The following LYN variants were observed in gnomAD, a reference collection of about 807,000 sequenced individuals.
LYN encodes the protein tyrosine-protein kinase Lyn.
LYN carries 12 observed loss-of-function variants against 65.0 expected under a neutral mutation model. The observed-to-expected ratio is 0.18, with a 90% CI of 0.12 to 0.30. LYN has a LOEUF of 0.30. Ranked by LOEUF, LYN falls within the 10% of genes least tolerant of loss-of-function variation. The probability of loss-of-function intolerance (pLI) is 1.00; values close to 1 mark genes in which losing one functional copy is unlikely to be tolerated. For missense variants in LYN, 380 were observed against 623.2 expected (o/e 0.61, Z 4.16); for synonymous variants, 222 against 221.2 (o/e 1.00, Z -0.03).
At chr8:55,913,600 A>G (rs1272654154) in intron 1 of LYN, among the ~76,000 whole-genome samples, 1 of 152,218 alleles carries the variant, frequency 6.6e-6, no homozygotes, top group Non-Finnish European at 1.5e-5. Context: ...TATTAATGAA[A>G]TGATTCAGCA....
In LYN at chr8:56,005,454, G is replaced by A. The variant is rs117086586; in HGVS notation, c.1337-4454G>A. On this transcript the variant is annotated intron_variant, in intron 12 of 12. Coordinates refer to ENST00000519728, the MANE Select transcript of LYN (RefSeq NM_002350.4). The stretch of plus-strand genomic sequence containing the variant: ...CTCCAGGTACTGTCCTGCCCTCGGC[G>A]CTGGCCTCCCTCCCTCATGGTATAT... Among the ~76,000 whole-genome samples, 1,290 of 152,274 alleles carry A rather than the reference G, an allele frequency of 8.5e-3. 23 individuals are homozygous for A. Among genetic ancestry groups the A allele is most frequent in the African/African-American group, 0.025 (1,059 of 41,542 alleles).
At position 55,953,709 on chromosome 8, in the gene LYN, A is replaced by C. The variant is rs931822441; in HGVS notation, c.638-123A>C. Reference sequence around the variant, plus strand: ...AAAGTCACAATTATGTCAAGGATGCATTTTAGTTCACAGACTGCGGCAGGT... The same window carrying C: ...AAAGTCACAATTATGTCAAGGATGCCTTTTAGTTCACAGACTGCGGCAGGT... On this transcript the variant is annotated intron_variant, in intron 7 of 12. Coordinates refer to ENST00000519728, the MANE Select transcript of LYN (RefSeq NM_002350.4). 4.1e-6 allele frequency: 3 copies of C among 735,384 alleles called. No individual in the cohort carries two copies. The Admixed American group carries it at 8.8e-5, about 22-fold the overall frequency. 45.6% of individuals were successfully genotyped at this position (735,384 alleles called of 1,614,324 possible). A position where few individuals can be genotyped will look rare whatever the true frequency, so the allele number is the denominator to read the frequency against.
intron 10 of LYN, among the ~76,000 whole-genome samples, chr8:55,996,510 T>C (rs1808375197): frequency 6.6e-6 from 1 of 152,228 alleles, no homozygotes; most frequent in Admixed American, 6.5e-5. Flanking sequence ...GCTTACCAGA[T>C]AAACTACTAC....
At chr8:55,990,859 T>C (rs952964468) in intron 10 of LYN, among the ~76,000 whole-genome samples, 30 of 152,204 alleles carry the variant, frequency 2.0e-4, no homozygotes, top group African/African-American at 6.5e-4. Context: ...TTAAGAGGCT[T>C]AGAATTTTAA....
At chr8:55,901,282 A>G (rs532384449) in intron 1 of LYN, among the ~76,000 whole-genome samples, 143 of 152,338 alleles carry the variant, frequency 9.4e-4, no homozygotes, top group African/African-American at 3.3e-3. Context: ...AGGAAAATTG[A>G]TAGAATTCCT....
At chr8:55,971,137 C>T (rs189172129) in intron 10 of LYN, among the ~76,000 whole-genome samples, 21 of 152,254 alleles carry the variant, frequency 1.4e-4, no homozygotes, top group African/African-American at 4.6e-4. Context: ...TCAAGTGTGC[C>T]CTGAAATGCC....
At chr8:56,005,338 A>T (rs922307901) in intron 12 of LYN, among the ~76,000 whole-genome samples, 1 of 152,132 alleles carries the variant, frequency 6.6e-6, no homozygotes, top group Non-Finnish European at 1.5e-5. Context: ...TCCATACCAC[A>T]CTTTCCCCAC....
chr8:55,935,779 CAA>C (rs59848254), intron 1 of LYN, among the ~76,000 whole-genome samples: 18,744 of 93,620 alleles, frequency 0.2, 1,272 homozygotes, highest in Middle Eastern at 0.37. Flanking sequence ...AGACTCCATC[CAA>C]AAAAAAAAAA....
At chr8:56,005,630 C>T (rs1300930587) in intron 12 of LYN, among the ~76,000 whole-genome samples, 1 of 152,200 alleles carries the variant, frequency 6.6e-6, no homozygotes, top group East Asian at 1.9e-4. Context: ...CTCTTAGCAT[C>T]ATCAGAGATG....
intron 10 of LYN, among the ~76,000 whole-genome samples, chr8:55,972,642 A>G (rs1266457064): frequency 6.6e-6 from 1 of 152,204 alleles, no homozygotes; most frequent in African/African-American, 2.4e-5. Flanking sequence ...CCATCTCTGC[A>G]TTATCTTACC....
chr8:55,999,741 G>T (rs1260012530), intron 12 of LYN, among the ~76,000 whole-genome samples, 192 bp downstream of exon 12: 2 of 152,212 alleles, frequency 1.3e-5, no homozygotes, highest in Non-Finnish European at 2.9e-5. Context: ...GGAGGCCGAG[G>T]CAGGTGGATC....
At chr8:55,894,744 A>G (rs1326576754) in intron 1 of LYN, among the ~76,000 whole-genome samples, 1 of 152,122 alleles carries the variant, frequency 6.6e-6, no homozygotes, top group Non-Finnish European at 1.5e-5. Context: ...CGTGTTGGCC[A>G]GGCTGGTCTC....
intron 1 of LYN, among the ~76,000 whole-genome samples, chr8:55,932,270 CAGA>C (rs1806292366): frequency 6.6e-6 from 1 of 152,098 alleles, no homozygotes; most frequent in African/African-American, 2.4e-5. Flanking sequence ...TAGGAAACTA[CAGA>C]AACAACCATA....
At chr8:55,945,972 A>G (rs909008888) in intron 2 of LYN, among the ~76,000 whole-genome samples, 5 of 152,182 alleles carry the variant, frequency 3.3e-5, no homozygotes, top group African/African-American at 9.7e-5. Flanking sequence ...TTTGCTTTCT[A>G]TGTGAAGACT....
At chr8:55,894,398 G>A (rs1218324844) in intron 1 of LYN, among the ~76,000 whole-genome samples, 10 of 148,080 alleles carry the variant, frequency 6.8e-5, no homozygotes, top group Admixed American at 6.1e-4. Context: ...TGAGACAGTG[G>A]TCACTCTGTC....
chr8:55,943,591 A>AAG (rs1554579519), intron 2 of LYN, among the ~76,000 whole-genome samples: 1 of 151,456 alleles, frequency 6.6e-6, no homozygotes, highest in African/African-American at 2.4e-5. Flanking sequence ...AAAAAAAAAA[A>AAG]AAAGGCATTT....
intron 10 of LYN, among the ~76,000 whole-genome samples, chr8:55,973,367 A>G (rs1807663232): frequency 6.6e-6 from 1 of 152,222 alleles, no homozygotes. Context: ...AATCCTGACT[A>G]CAGCAGCTTT....
chr8:56,013,548 A>AGT lies in LYN; in HGVS notation c.*3442_*3443dup, dbSNP rs1483980024. The AGT allele has an allele frequency of 6.6e-6, 1 of 152,252 alleles. No homozygotes were observed. Among genetic ancestry groups the AGT allele is most frequent in the Non-Finnish European group, 1.5e-5 (1 of 68,128 alleles). 9.4% of individuals were successfully genotyped at this position (152,252 alleles called of 1,614,324 possible). A position where few individuals can be genotyped will look rare whatever the true frequency, so the allele number is the denominator to read the frequency against. Reference sequence around the variant, plus strand: ...GGCTTCCCAAAGTGCTGGGATTACAAGTGTGAGCCACTGTGCCCGGTCGGG... The same window carrying AGT: ...GGCTTCCCAAAGTGCTGGGATTACAAGTGTGTGAGCCACTGTGCCCGGTCGGG... On this transcript the variant is annotated 3_prime_UTR_variant, in exon 13 of 13. Transcript: ENST00000519728.
intron 10 of LYN, among the ~76,000 whole-genome samples, chr8:55,978,845 T>A (rs1485962565): frequency 1.3e-5 from 2 of 152,140 alleles, no homozygotes; most frequent in African/African-American, 4.8e-5. Flanking sequence ...AGCCAAGCCC[T>A]TGGCCTCTCT....
Sources: allele counts gnomAD v4.1 joint callset (sites outside exome capture counted in the v4.1 genomes callset), GRCh38; gene constraint gnomAD v4.1.1; transcripts MANE v1.5; gene names NCBI Gene and HGNC (gene_info 2026-07-23, HGNC 2026-07-21).